Variants in CCNY observed in about 807,000 individuals in gnomAD.
CCNY encodes cyclin-Y.
Under a neutral mutation model 42.8 loss-of-function variants are expected in CCNY, and 19 were observed. The observed-to-expected ratio is 0.44, with a 90% CI of 0.31 to 0.65. The LOEUF is 0.65. Among genes scored for constraint, CCNY ranks in the 30% least tolerant of loss-of-function variants. The pLI, the probability that CCNY is intolerant of heterozygous loss-of-function variation, is 0.07. For missense variants in CCNY, 370 were observed against 437.3 expected, an observed-to-expected ratio of 0.85 and a Z score of 1.37; for synonymous variants, 165 against 162.7, an observed-to-expected ratio of 1.01 and a Z score of -0.11.
chr10:35,357,163 AGCCCCTGCTCCTGCCCCT>A (rs1836572975), intron 1 of CCNY, among the ~76,000 whole-genome samples: 1 of 151,674 alleles, frequency 6.6e-6, no homozygotes, highest in African/African-American at 2.4e-5. Context: ...CAGAGAGAGC[AGCCCCTGCTCCTGCCCCT>A]GCCCCTGCCC....
chr10:35,399,649 C>T, intron 1 of CCNY, among the ~76,000 whole-genome samples: 1 of 152,180 alleles, frequency 6.6e-6, no homozygotes, highest in Non-Finnish European at 1.5e-5. Flanking sequence ...CAAGACCAGC[C>T]TGGGCAACAT....
rs774960203 is a variant in CCNY, at chr10:35,457,364, T to C, written c.155-26040T>C. Among the ~76,000 whole-genome samples, 3 of 152,206 alleles carry C rather than the reference T, an allele frequency of 2.0e-5. No homozygotes were observed. The East Asian group carries it at 5.8e-4, about 29-fold the overall frequency. On this transcript the variant is annotated intron_variant, in intron 1 of 9. Transcript: ENST00000374704. ...CTGCCTTTCTTACTTGTGGTCATAT[T>C]GTCCACAGGTCTCTCTCGTGTGTAC...
intron 3 of CCNY, among the ~76,000 whole-genome samples, chr10:35,305,174 C>T (rs772996300): frequency 4.6e-5 from 7 of 152,178 alleles, no homozygotes; most frequent in Non-Finnish European, 1.0e-4. Context: ...TTATCCTTTA[C>T]GTAACTGGCA....
At chr10:35,424,732 A>T (rs929367652) in intron 1 of CCNY, among the ~76,000 whole-genome samples, 1 of 152,180 alleles carries the variant, frequency 6.6e-6, no homozygotes, top group African/African-American at 2.4e-5. Context: ...TCTAGCTGAG[A>T]ACCAAGGCGT....
At chr10:35,433,781 G>A (rs545409921) in intron 1 of CCNY, among the ~76,000 whole-genome samples, 1 of 152,110 alleles carries the variant, frequency 6.6e-6, no homozygotes, top group Non-Finnish European at 1.5e-5. Flanking sequence ...CTAATTTTTT[G>A]TATTTTTAGT....
rs1311960697 is a variant in CCNY at position 35,572,051 on chromosome 10, C to G, written c.*2881C>G. ...GGCAGATGAGAAATCCTGCCAAGAT[C>G]GGGATGTGCCTTCATGCATGAGGTG... On this transcript the variant is annotated 3_prime_UTR_variant, in exon 10 of 10. Coordinates refer to ENST00000374704, the MANE Select transcript of CCNY (RefSeq NM_145012.6). 6.6e-6 allele frequency: 1 copy of G among 151,640 alleles called. No homozygotes were observed. The allele number at this position is 151,640 out of a possible 1,614,324, so 9.4% of individuals were successfully genotyped here.
At position 35,267,580 on chromosome 10, in the gene CCNY, G is replaced by A. The variant is rs533518781; in HGVS notation, c.-9+16954G>A. On this transcript the variant is annotated intron_variant, in intron 3 of 11. Coordinates refer to the CCNY transcript ENST00000374706. ...GGTAGATTTGGTCTGAGTCTGGCAG[G>A]AAGCCAGAGGAGAGGTTCTGACAAT... Among the ~76,000 whole-genome samples, 9 of 152,316 alleles carry A rather than the reference G, an allele frequency of 5.9e-5. No homozygotes were observed. The East Asian group carries it at 1.7e-3, about 29-fold the overall frequency.
At position 35,337,164 on chromosome 10, in the gene CCNY, G is replaced by C. The variant is rs1226502455; in HGVS notation, c.111G>C (p.Thr37=). The C allele has an allele frequency of 6.3e-7, 1 of 1,576,806 alleles. No individual in the cohort carries two copies. The highest frequency in any genetic ancestry group is 8.6e-7 in the Non-Finnish European group (1 of 1,163,818). Residue 37 remains threonine (T), a synonymous_variant, in exon 1 of 10, where the codon ACG becomes ACC. Coordinates refer to ENST00000374704, the MANE Select transcript of CCNY (RefSeq NM_145012.6). ...RPDTDLSRED[T]GCNLQHISDR... is the part of the protein sequence containing the mutation. Reference sequence around the variant, plus strand: ...ACACGGACCTGAGCCGCGAGGACACGGGCTGCAACCTGCAGCACATCAGCG... The same window carrying C: ...ACACGGACCTGAGCCGCGAGGACACCGGCTGCAACCTGCAGCACATCAGCG...
intron 3 of CCNY, among the ~76,000 whole-genome samples, chr10:35,328,547 A>G (rs1167153790): frequency 6.6e-6 from 1 of 152,196 alleles, no homozygotes; most frequent in Non-Finnish European, 1.5e-5. Flanking sequence ...GGTTTGTGAT[A>G]CTCATTTCTC....
At chr10:35,361,284 CTT>C (rs1836680110) in intron 1 of CCNY, among the ~76,000 whole-genome samples, 1 of 152,086 alleles carries the variant, frequency 6.6e-6, no homozygotes, top group South Asian at 2.1e-4. Context: ...TTAAATATGA[CTT>C]TATAATTTTT....
At chr10:35,393,165 A>G (rs750109992) in intron 1 of CCNY, among the ~76,000 whole-genome samples, 1 of 152,168 alleles carries the variant, frequency 6.6e-6, no homozygotes, top group Non-Finnish European at 1.5e-5. Context: ...AGTCCTGGGA[A>G]AGTCTTCCTC....
intron 3 of CCNY, among the ~76,000 whole-genome samples, chr10:35,307,001 T>C (rs1835614374): frequency 6.6e-6 from 1 of 152,138 alleles, no homozygotes; most frequent in African/African-American, 2.4e-5. Flanking sequence ...CCTGAGGGCG[T>C]GCAGTCCCGC....
In CCNY at chr10:35,265,646, T is replaced by C. The variant is rs147062731; in HGVS notation, c.-9+15020T>C. On this transcript the variant is annotated intron_variant, in intron 3 of 11. Transcript: ENST00000374706. The stretch of plus-strand genomic sequence containing the variant: ...TGAAGGTGCCGCTCCCGGCCGGCTT[T>C]GAATGAGGAGCTGAGGATGCACACA... Among the ~76,000 whole-genome samples the C allele has an allele frequency of 4.6e-3, 704 of 152,318 alleles. 1 individual carries two copies. Among genetic ancestry groups the C allele is most frequent in the Non-Finnish European group, 7.8e-3 (530 of 68,026 alleles).
chr10:35,374,436 C>T (rs1421068659), intron 1 of CCNY, among the ~76,000 whole-genome samples: 2 of 152,152 alleles, frequency 1.3e-5, no homozygotes, highest in Non-Finnish European at 2.9e-5. Flanking sequence ...TTGATCTCCA[C>T]GGCCAGTCAC....
chr10:35,468,870 T>A (rs186216770), intron 1 of CCNY, among the ~76,000 whole-genome samples: 3 of 152,332 alleles, frequency 2.0e-5, no homozygotes, highest in Admixed American at 1.3e-4. Context: ...GATTGGGCAG[T>A]TGCTCCCCCT....
chr10:35,337,098 C>A lies in CCNY; in HGVS notation c.45C>A (p.Leu15=), dbSNP rs750203783. The change falls in exon 1 of 10, where the codon CTC becomes CTA. Residue 15 remains leucine, a synonymous_variant. Coordinates refer to ENST00000374704, the MANE Select transcript of CCNY (RefSeq NM_145012.6). ...TSCCVSSSPK[L]RRNAHSRLES... is the part of the protein sequence containing the mutation. Reference sequence around the variant, plus strand: ...GCTGCGTGTCGTCCAGTCCCAAGCTCCGGAGGAATGCCCACTCCCGGCTGG... The same window carrying A: ...GCTGCGTGTCGTCCAGTCCCAAGCTACGGAGGAATGCCCACTCCCGGCTGG... 1 of 1,595,422 alleles carries A rather than the reference C, an allele frequency of 6.3e-7. No homozygotes were observed. Among genetic ancestry groups the A allele is most frequent in the African/African-American group, 1.4e-5 (1 of 72,932 alleles).
chr10:35,428,423 A>G (rs1017515588), intron 1 of CCNY, among the ~76,000 whole-genome samples: 1 of 152,232 alleles, frequency 6.6e-6, no homozygotes, highest in African/African-American at 2.4e-5. Flanking sequence ...GAACTGCAGG[A>G]AAGCCAGTCT....
intron 7 of CCNY, among the ~76,000 whole-genome samples, chr10:35,550,209 G>A (rs1192845123): frequency 4.1e-5 from 6 of 146,506 alleles, no homozygotes; most frequent in East Asian, 2.1e-4. Flanking sequence ...TACAGTGCTC[G>A]TGACCCTGCA....
At chr10:35,331,807 C>T (rs547329142), upstream of CCNY, among the ~76,000 whole-genome samples, 2 of 152,288 alleles carry the variant, frequency 1.3e-5, no homozygotes, top group African/African-American at 2.4e-5. Flanking sequence ...TATGCCCAGG[C>T]GATAAATGTA....
Sources: allele counts gnomAD v4.1 joint callset (sites outside exome capture counted in the v4.1 genomes callset), GRCh38; gene constraint gnomAD v4.1.1; transcripts MANE v1.5; gene names NCBI Gene and HGNC (gene_info 2026-07-23, HGNC 2026-07-21).